The following CCSER1 variants were observed in gnomAD, a reference collection of about 807,000 sequenced individuals.
The protein encoded by CCSER1 is serine-rich coiled-coil domain-containing protein 1.
Under a neutral mutation model 82.0 loss-of-function variants are expected in CCSER1, and 41 were observed. That is an observed-to-expected ratio of 0.50 (90% CI 0.39 to 0.65). The LOEUF (loss-of-function observed/expected upper bound fraction) is 0.65. Ranked by LOEUF, CCSER1 falls within the 30% of genes least tolerant of loss-of-function variation. The pLI, the probability that CCSER1 is intolerant of heterozygous loss-of-function variation, is 0.00. For synonymous variants in CCSER1, 414 were observed against 383.9 expected, an observed-to-expected ratio of 1.08 and a Z score of -0.92; for missense variants, 1,119 against 1,064.2, an observed-to-expected ratio of 1.05 and a Z score of -0.72.
At chr4:91,117,294 T>C (rs901272919) in intron 10 of CCSER1, among the ~76,000 whole-genome samples, 1 of 152,192 alleles carries the variant, frequency 6.6e-6, no homozygotes, top group Non-Finnish European at 1.5e-5. Context: ...TCCTGAGACA[T>C]CATAGTGTTA....
chr4:91,459,182 G>A (rs567961171), intron 10 of CCSER1, among the ~76,000 whole-genome samples: 285 of 152,044 alleles, frequency 1.9e-3, no homozygotes, highest in Admixed American at 3.1e-3. Context: ...GAAGCACTGG[G>A]GATAATGAGC....
At chr4:91,316,757 G>A (rs1237064651) in intron 10 of CCSER1, among the ~76,000 whole-genome samples, 2 of 151,896 alleles carry the variant, frequency 1.3e-5, no homozygotes, top group African/African-American at 2.4e-5. Flanking sequence ...TAAAGTGTAA[G>A]TCATATCATG....
chr4:90,720,181 A>G (rs1250877119), intron 6 of CCSER1, among the ~76,000 whole-genome samples: 1 of 151,788 alleles, frequency 6.6e-6, no homozygotes, highest in Non-Finnish European at 1.5e-5. Flanking sequence ...TCCTTGCTTT[A>G]TGGTACCACA....
At chr4:90,353,273 A>G (rs1306511192) in intron 3 of CCSER1, among the ~76,000 whole-genome samples, 2 of 152,192 alleles carry the variant, frequency 1.3e-5, no homozygotes, top group Admixed American at 6.5e-5. Flanking sequence ...GAATGTATGC[A>G]GAAACATGGT....
intron 10 of CCSER1, among the ~76,000 whole-genome samples, chr4:91,552,092 A>ATAAT (rs1762186527): frequency 1.3e-5 from 2 of 151,790 alleles, no homozygotes; most frequent in Non-Finnish European, 2.9e-5. Flanking sequence ...AAATTTGAAT[A>ATAAT]TAATTTTTAA....
At position 90,389,397 on chromosome 4, in the gene CCSER1, T is replaced by C. The variant is rs553208440; in HGVS notation, c.1510-10639T>C. Among the ~76,000 whole-genome samples, 60 of 152,350 alleles carry C rather than the reference T, an allele frequency of 3.9e-4. 1 individual carries two copies. The highest frequency in any genetic ancestry group is 6.9e-4 in the Non-Finnish European group (47 of 68,030). ...CCTCTGTATTACATATGAGTGCTTTTTCTGGATAATGTATTTTCATCAAAA... is the reference window on the plus strand; with the variant it reads ...CCTCTGTATTACATATGAGTGCTTTCTCTGGATAATGTATTTTCATCAAAA... On this transcript the variant is annotated intron_variant, in intron 3 of 10. Coordinates refer to ENST00000509176, the MANE Select transcript of CCSER1 (RefSeq NM_001145065.2).
chr4:90,393,147 T>A (rs1396348143), intron 3 of CCSER1, among the ~76,000 whole-genome samples: 1 of 152,200 alleles, frequency 6.6e-6, no homozygotes, highest in Non-Finnish European at 1.5e-5. Flanking sequence ...AATTTATAAT[T>A]TATCTTCCTG....
chr4:90,801,721 T>A (rs954026984), intron 7 of CCSER1, among the ~76,000 whole-genome samples: 14 of 152,212 alleles, frequency 9.2e-5, no homozygotes, highest in Non-Finnish European at 1.6e-4. Context: ...TTTACTTTGA[T>A]CATGGATATA....
At chr4:90,964,523 G>C (rs7696888) in intron 9 of CCSER1, among the ~76,000 whole-genome samples, 1 of 151,148 alleles carries the variant, frequency 6.6e-6, no homozygotes, top group Admixed American at 6.6e-5. Context: ...CAGGAGATCG[G>C]GACCATCCTG....
intron 10 of CCSER1, among the ~76,000 whole-genome samples, chr4:91,255,441 G>A (rs1283927996): frequency 6.6e-6 from 1 of 152,138 alleles, no homozygotes; most frequent in East Asian, 1.9e-4. Context: ...CTAACCATTA[G>A]CATTACAGAA....
chr4:90,236,651 G>T (rs1483137466), intron 1 of CCSER1, among the ~76,000 whole-genome samples: 2 of 152,048 alleles, frequency 1.3e-5, no homozygotes. Flanking sequence ...TTTAGAATAA[G>T]GTGAGGTTCT....
intron 5 of CCSER1, among the ~76,000 whole-genome samples, chr4:90,626,309 C>T (rs1276208947): frequency 1.3e-5 from 2 of 152,140 alleles, no homozygotes; most frequent in East Asian, 3.9e-4. Context: ...AAAAATGATA[C>T]ACTTCAAAAA....
chr4:90,477,150 T>C lies in CCSER1; in HGVS notation c.1724+8796T>C, dbSNP rs138274151. Among the ~76,000 whole-genome samples the C allele has an allele frequency of 4.6e-5, 7 of 152,346 alleles. No individual in the cohort carries two copies. In the East Asian group the frequency reaches 1.3e-3, roughly 29 times the overall value. ...AGATATTTTATTTGAATGTGTTCTA[T>C]AATTTAGGTTTTAGTATAAGTCTTC... On this transcript the variant is annotated intron_variant, in intron 5 of 10. Coordinates refer to ENST00000509176, the MANE Select transcript of CCSER1 (RefSeq NM_001145065.2).
intron 3 of CCSER1, among the ~76,000 whole-genome samples, chr4:90,381,820 G>A (rs557656275): frequency 1.3e-5 from 2 of 151,910 alleles, no homozygotes; most frequent in Admixed American, 6.6e-5. Context: ...TTTAATTGAT[G>A]TTTCTCCAAA....
At chr4:90,128,111 CCTGCGGCCG>C (rs1722124367) in intron 1 of CCSER1, among the ~76,000 whole-genome samples, 1 of 152,142 alleles carries the variant, frequency 6.6e-6, no homozygotes, top group Non-Finnish European at 1.5e-5. Flanking sequence ...TGGTTTGCTG[CCTGCGGCCG>C]CGGCGGCCGC....
At chr4:91,279,868 C>T (rs1460782757) in intron 10 of CCSER1, among the ~76,000 whole-genome samples, 1 of 152,052 alleles carries the variant, frequency 6.6e-6, no homozygotes, top group African/African-American at 2.4e-5. Flanking sequence ...GTACTAGTCA[C>T]TTCTTTCTAT....
chr4:91,520,843 T>C (rs1760420006), intron 10 of CCSER1, among the ~76,000 whole-genome samples: 1 of 152,204 alleles, frequency 6.6e-6, no homozygotes, highest in South Asian at 2.1e-4. Flanking sequence ...AACTGTGAAT[T>C]ATCAGTTGGA....
intron 10 of CCSER1, among the ~76,000 whole-genome samples, chr4:91,116,654 G>A (rs1389003696): frequency 1.3e-5 from 2 of 152,166 alleles, no homozygotes; most frequent in Admixed American, 6.6e-5. Flanking sequence ...TGTTGTTGCT[G>A]CTGGTGGTGG....
chr4:90,839,291 G>T (rs1055006898), intron 8 of CCSER1, among the ~76,000 whole-genome samples: 1 of 152,154 alleles, frequency 6.6e-6, no homozygotes, highest in African/African-American at 2.4e-5. Flanking sequence ...CACACACTTA[G>T]ATAAGTTTAT....
Sources: allele counts gnomAD v4.1 joint callset (sites outside exome capture counted in the v4.1 genomes callset), GRCh38; gene constraint gnomAD v4.1.1; transcripts MANE v1.5; gene names NCBI Gene and HGNC (gene_info 2026-07-23, HGNC 2026-07-21).